The following IMMP2L variants were observed in gnomAD, a reference collection of about 807,000 sequenced individuals.
The protein encoded by IMMP2L is inner mitochondrial membrane peptidase subunit 2, also known as mitochondrial inner membrane protease subunit 2.
IMMP2L carries 18 observed loss-of-function variants against 19.3 expected under a neutral mutation model. The observed-to-expected ratio is 0.93, with a 90% CI of 0.64 to 1.38. The LOEUF is 1.38. IMMP2L is among the 40% of genes most tolerant of loss of function. The probability of loss-of-function intolerance (pLI) is 0.00; values close to 1 mark genes in which losing one functional copy is unlikely to be tolerated. For missense variants in IMMP2L, 233 were observed against 218.2 expected, an observed-to-expected ratio of 1.07 and a Z score of -0.43; for synonymous variants, 76 against 73.0, an observed-to-expected ratio of 1.04 and a Z score of -0.21.
At chr7:111,101,300 A>G (rs1563242890) in intron 3 of IMMP2L, among the ~76,000 whole-genome samples, 1 of 151,420 alleles carries the variant, frequency 6.6e-6, no homozygotes, top group Non-Finnish European at 1.5e-5. Context: ...TAGTCATTGA[A>G]CAGAACCTTG....
At chr7:111,434,184 C>A (rs188464712) in intron 3 of IMMP2L, among the ~76,000 whole-genome samples, 1 of 151,836 alleles carries the variant, frequency 6.6e-6, no homozygotes, top group Non-Finnish European at 1.5e-5. Context: ...AAAATATACA[C>A]TGAAAAAGTT....
chr7:111,239,702 T>C (rs1814771873), intron 3 of IMMP2L, among the ~76,000 whole-genome samples: 1 of 151,936 alleles, frequency 6.6e-6, no homozygotes. Context: ...GCCTGTGTTT[T>C]ACTGCCAACT....
At chr7:111,377,124 T>C (rs959479080) in intron 3 of IMMP2L, among the ~76,000 whole-genome samples, 2 of 151,848 alleles carry the variant, frequency 1.3e-5, no homozygotes, top group African/African-American at 4.8e-5. Flanking sequence ...ATATAGTATA[T>C]ATAGTTATTT....
chr7:110,684,946 T>G (rs1343773880), intron 5 of IMMP2L, among the ~76,000 whole-genome samples: 1 of 152,092 alleles, frequency 6.6e-6, no homozygotes, highest in Non-Finnish European at 1.5e-5. Flanking sequence ...AGTTCCAAAT[T>G]TTCCTTTTCC....
chr7:111,225,103 C>T (rs1269596801), intron 3 of IMMP2L, among the ~76,000 whole-genome samples: 1 of 152,090 alleles, frequency 6.6e-6, no homozygotes, highest in Non-Finnish European at 1.5e-5. Context: ...AAAGGGACAA[C>T]TGACAGATAA....
intron 2 of IMMP2L, among the ~76,000 whole-genome samples, chr7:111,510,724 C>T (rs186422226): frequency 6.6e-6 from 1 of 152,276 alleles, no homozygotes; most frequent in East Asian, 1.9e-4. Flanking sequence ...CTAAACTGTT[C>T]ATTCTGCCCT....
rs1800923677 is a variant in IMMP2L, at chr7:111,123,633, A to G, written c.240-160068T>C. The stretch of plus-strand genomic sequence containing the variant: ...ATTTTAGCAATATGCTACACTTAAA[A>G]GAGTTGGGGATAAATAATATGCCTG... On this transcript the variant is annotated intron_variant, in intron 3 of 5. Transcript: ENST00000405709. This position sits in a 1 kb window ranked among gnomAD's most constrained non-coding sequence, Gnocchi z 6.4. 7 of 1,613,852 alleles carry G rather than the reference A, an allele frequency of 4.3e-6. No homozygotes were observed. The highest frequency in any genetic ancestry group is 5.9e-6 in the Non-Finnish European group (7 of 1,179,890).
intron 3 of IMMP2L, among the ~76,000 whole-genome samples, chr7:110,990,411 C>T (rs756384793): frequency 6.6e-6 from 1 of 152,180 alleles, no homozygotes; most frequent in Non-Finnish European, 1.5e-5. Context: ...TTTATACCAA[C>T]ATTTATCACC....
intron 3 of IMMP2L, among the ~76,000 whole-genome samples, chr7:111,440,302 G>T (rs998232741): frequency 1.3e-5 from 2 of 151,800 alleles, no homozygotes; most frequent in African/African-American, 2.4e-5. Flanking sequence ...CGTTATCTAT[G>T]GCAGCTATAG....
intron 5 of IMMP2L, among the ~76,000 whole-genome samples, chr7:110,675,100 C>T (rs1340326346): frequency 1.3e-5 from 2 of 152,134 alleles, no homozygotes; most frequent in Non-Finnish European, 2.9e-5. Flanking sequence ...AGTAGCACAA[C>T]TCTTATTTTC....
intron 4 of IMMP2L, among the ~76,000 whole-genome samples, chr7:110,911,526 C>T (rs930273647): frequency 6.6e-6 from 1 of 151,880 alleles, no homozygotes; most frequent in African/African-American, 2.4e-5. Flanking sequence ...TGAAACAGTA[C>T]AAATAAAAAG....
At chr7:111,272,192 C>G (rs774531584) in intron 3 of IMMP2L, among the ~76,000 whole-genome samples, 1 of 152,088 alleles carries the variant, frequency 6.6e-6, no homozygotes, top group African/African-American at 2.4e-5. Context: ...CTTACTATAT[C>G]TCTTCAGGAT....
At position 111,124,469 on chromosome 7, in the gene IMMP2L, C is replaced by T. The variant is rs143500031; in HGVS notation, c.240-160904G>A. ...GTCAAGACTGAAAATTCTCATGCTG[C>T]GCAAAGTGCTCGAATACCATCTGAT... On this transcript the variant is annotated intron_variant, in intron 3 of 5. Transcript: ENST00000405709. 102 of 1,613,668 alleles carry T rather than the reference C, an allele frequency of 6.3e-5. 1 individual carries two copies. The highest frequency in any genetic ancestry group is 1.6e-4 in the Middle Eastern group (1 of 6,078).
intron 3 of IMMP2L, among the ~76,000 whole-genome samples, chr7:111,308,066 A>C (rs1823075561): frequency 1.3e-5 from 2 of 151,916 alleles, no homozygotes; most frequent in African/African-American, 4.8e-5. Flanking sequence ...ACTTACAACT[A>C]TGCTTGTGCG....
chr7:110,702,992 A>G (rs1794391532), intron 5 of IMMP2L, among the ~76,000 whole-genome samples: 1 of 152,216 alleles, frequency 6.6e-6, no homozygotes, highest in Non-Finnish European at 1.5e-5. Flanking sequence ...TGTTTCAGAA[A>G]GAAATCATTT....
chr7:111,079,162 G>C (rs1224382055), intron 3 of IMMP2L, among the ~76,000 whole-genome samples: 1 of 149,348 alleles, frequency 6.7e-6, no homozygotes, highest in Non-Finnish European at 1.5e-5. Flanking sequence ...CTGTCGCCCA[G>C]GCTGGAGTGC....
intron 2 of IMMP2L, among the ~76,000 whole-genome samples, chr7:111,501,233 A>G (rs1315373812): frequency 6.6e-6 from 1 of 152,176 alleles, no homozygotes; most frequent in Non-Finnish European, 1.5e-5. Flanking sequence ...GTGATGGAAG[A>G]CGAAATGAAT....
intron 5 of IMMP2L, among the ~76,000 whole-genome samples, chr7:110,672,714 A>G (rs1051818060): frequency 1.3e-5 from 2 of 152,222 alleles, no homozygotes; most frequent in Non-Finnish European, 2.9e-5. Flanking sequence ...TCTGAAATCC[A>G]GTAGGGTAGT....
At chr7:110,867,063 T>TC (rs1319625245) in intron 5 of IMMP2L, among the ~76,000 whole-genome samples, 1 of 151,938 alleles carries the variant, frequency 6.6e-6, no homozygotes, top group African/African-American at 2.4e-5. Context: ...CATATAATTA[T>TC]CACTATGCAC....
Sources: gnomAD v4.1 joint callset for allele counts (sites outside exome capture counted in the v4.1 genomes callset) on GRCh38, gnomAD v4.1.1 for gene constraint, Gnocchi (gnomAD v3.1) non-coding constraint, MANE v1.5 for transcripts, NCBI Gene and HGNC (gene_info 2026-07-23, HGNC 2026-07-21) for gene names.